The following PRKAR1A variants were observed in gnomAD, a reference collection of about 807,000 sequenced individuals.
PRKAR1A encodes the protein cAMP-dependent protein kinase type I-alpha regulatory subunit.
A neutral mutation model predicts 52.0 loss-of-function variants in PRKAR1A; 3 were observed. That is an observed-to-expected ratio of 0.06 (90% CI 0.03 to 0.15). The LOEUF (loss-of-function observed/expected upper bound fraction) is 0.15. Among genes scored for constraint, PRKAR1A ranks in the 10% least tolerant of loss-of-function variants. The pLI, the probability that PRKAR1A is intolerant of heterozygous loss-of-function variation, is 1.00. For synonymous variants in PRKAR1A, 188 were observed against 168.4 expected, an observed-to-expected ratio of 1.12 and a Z score of -0.90; for missense variants, 240 against 477.4, an observed-to-expected ratio of 0.50 and a Z score of 4.63.
chr17:68,443,476 C>T, the PRKAR1A span, among the ~76,000 whole-genome samples: 2 of 152,146 alleles, frequency 1.3e-5, no homozygotes, highest in Admixed American at 6.5e-5. Flanking sequence ...AAATCAACAG[C>T]CAAGGGCCAT....
rs1171562021 is a variant in PRKAR1A at position 68,527,658 on chromosome 17, A to G, written c.709-182A>G. 7.0e-6 allele frequency: 4 copies of G among 568,100 alleles called. No homozygotes were observed. The East Asian group carries it at 9.0e-5, about 13-fold the overall frequency. The allele number at this position is 568,100 out of a possible 1,614,324, so 35.2% of individuals were successfully genotyped here. A position where few individuals can be genotyped will look rare whatever the true frequency, so the allele number is the denominator to read the frequency against. ...AAAATAAAAATCACAAGAATGTCATATCATTCATTACCTGTAAAATAAAAA... is the reference window on the plus strand; with the variant it reads ...AAAATAAAAATCACAAGAATGTCATGTCATTCATTACCTGTAAAATAAAAA... On this transcript the variant is annotated intron_variant, in intron 7 of 10. Coordinates refer to ENST00000589228, the MANE Select transcript of PRKAR1A (RefSeq NM_002734.5).
the PRKAR1A span, among the ~76,000 whole-genome samples, chr17:68,479,743 C>G: frequency 6.6e-6 from 1 of 152,280 alleles, no homozygotes; most frequent in East Asian, 1.9e-4. Flanking sequence ...TTAGTCCATT[C>G]TCACACTGTT....
the PRKAR1A span, among the ~76,000 whole-genome samples, chr17:68,443,825 C>T: frequency 2.6e-5 from 4 of 152,174 alleles, no homozygotes; most frequent in Admixed American, 6.5e-5. Flanking sequence ...ACAAGTTGTT[C>T]CAGTGTGCTG....
At chr17:68,441,139 T>G in the PRKAR1A span, 1 of 152,328 alleles carries the variant, frequency 6.6e-6, no homozygotes, top group East Asian at 1.9e-4. Context: ...TTGGCAGGAC[T>G]TTCATGGAGA....
At chr17:68,544,427 G>A (rs768831277) in intron 11 of PRKAR1A, among the ~76,000 whole-genome samples, 16 of 152,190 alleles carry the variant, frequency 1.1e-4, no homozygotes, top group Non-Finnish European at 1.9e-4. Context: ...GGGCCTTGTG[G>A]TGTGAGTTCT....
At chr17:68,447,854 G>A in the PRKAR1A span, among the ~76,000 whole-genome samples, 6,145 of 151,912 alleles carry the variant, frequency 0.04, 207 homozygotes, top group Non-Finnish European at 0.058. Context: ...TTAGCCGGGC[G>A]TGGTGGCAGG....
At chr17:68,444,410 G>T in the PRKAR1A span, 2 of 1,314,732 alleles carry the variant, frequency 1.5e-6, no homozygotes, top group Non-Finnish European at 2.2e-6. Context: ...CTTCACGTTC[G>T]CAATTTGGAG....
At chr17:68,473,759 G>T in the PRKAR1A span, among the ~76,000 whole-genome samples, 3 of 152,112 alleles carry the variant, frequency 2.0e-5, no homozygotes, top group Admixed American at 6.6e-5. Context: ...CTGACTTTGT[G>T]ATCCGCCCAC....
At chr17:68,495,824 G>C in the PRKAR1A span, among the ~76,000 whole-genome samples, 1 of 150,940 alleles carries the variant, frequency 6.6e-6, no homozygotes, top group Non-Finnish European at 1.5e-5. Context: ...GCAAGATGTT[G>C]GCAGGGCTGC....
the PRKAR1A span, among the ~76,000 whole-genome samples, chr17:68,464,944 T>TA: frequency 6.6e-6 from 1 of 150,780 alleles, no homozygotes; most frequent in Non-Finnish European, 1.5e-5. Flanking sequence ...TTTTTTTTTT[T>TA]AGACGGAGTC....
intron 3 of PRKAR1A, among the ~76,000 whole-genome samples, chr17:68,523,482 T>G (rs995183747): frequency 6.6e-6 from 1 of 152,252 alleles, no homozygotes; most frequent in Non-Finnish European, 1.5e-5. Context: ...TCTTTAGTTG[T>G]TAACTGGGAA....
At chr17:68,420,732 G>C in the PRKAR1A span, 1 of 476,192 alleles carries the variant, frequency 2.1e-6, no homozygotes, top group South Asian at 3.2e-5. Context: ...TCCAGCTTTT[G>C]AACTTGGGCA....
the PRKAR1A span, among the ~76,000 whole-genome samples, chr17:68,480,401 G>A: frequency 3.3e-5 from 5 of 152,094 alleles, no homozygotes; most frequent in Admixed American, 6.5e-5. Flanking sequence ...TCATTATCCC[G>A]GGACATTTTT....
chr17:68,505,945 A>C, the PRKAR1A span, among the ~76,000 whole-genome samples: 1 of 152,210 alleles, frequency 6.6e-6, no homozygotes, highest in Admixed American at 6.5e-5. Flanking sequence ...AACTCTCTGT[A>C]TTTTCTGCCA....
At chr17:68,426,249 C>A in the PRKAR1A span, 2 of 776,012 alleles carry the variant, frequency 2.6e-6, 1 homozygote. Flanking sequence ...GGGTGGGGAG[C>A]GGGGGCTCAA....
the PRKAR1A span, among the ~76,000 whole-genome samples, chr17:68,497,351 G>A: frequency 6.6e-6 from 1 of 151,868 alleles, no homozygotes; most frequent in Non-Finnish European, 1.5e-5. Context: ...CTATTTGACC[G>A]TTGACAGAAA....
At chr17:68,551,181 G>A in exon 12 of PRKAR1A, 1 of 1,184,484 alleles carries the variant, frequency 8.4e-7, no homozygotes, top group Non-Finnish European at 1.1e-6. Flanking sequence ...TCCTTTGGGG[G>A]CCAGAAACCC....
At chr17:68,444,537 A>G in the PRKAR1A span, 1 of 1,614,138 alleles carries the variant, frequency 6.2e-7, no homozygotes, top group Non-Finnish European at 8.5e-7. Context: ...CAACAGCTTC[A>G]TGTCTTTAAT....
intron 7 of PRKAR1A, 102 bp downstream of exon 7, chr17:68,526,014 C>A: frequency 5.8e-6 from 8 of 1,387,512 alleles, no homozygotes; most frequent in South Asian, 1.2e-5. Context: ...TTTTAATGAG[C>A]AAATATTTCT....
Sources: gnomAD v4.1 joint callset for allele counts (sites outside exome capture counted in the v4.1 genomes callset) on GRCh38, gnomAD v4.1.1 for gene constraint, MANE v1.5 for transcripts, NCBI Gene and HGNC (gene_info 2026-07-23, HGNC 2026-07-21) for gene names.